The following TEX9 variants were observed in gnomAD, a reference collection of about 807,000 sequenced individuals.
TEX9 encodes the protein testis-expressed protein 9.
TEX9 carries 74 observed loss-of-function variants against 59.6 expected under a neutral mutation model. The ratio of observed to expected loss-of-function variants is 1.24; its 90% CI spans 1.03 to 1.51. The LOEUF is 1.51. TEX9 is among the 40% of genes most tolerant of loss of function. The pLI is 0.00. For synonymous variants in TEX9, 186 were observed against 152.2 expected (o/e 1.22, Z -1.64); for missense variants, 522 against 447.8 (o/e 1.17, Z -1.49).
intron 1 of TEX9, among the ~76,000 whole-genome samples, chr15:56,347,030 C>T (rs916738896): frequency 1.1e-4 from 17 of 152,232 alleles, no homozygotes; most frequent in Middle Eastern, 3.4e-3. Flanking sequence ...ACCAAATATG[C>T]GTAGGACTTG....
intron 1 of TEX9, among the ~76,000 whole-genome samples, chr15:56,338,993 A>C (rs997444958): frequency 2.0e-5 from 3 of 152,122 alleles, no homozygotes; most frequent in Non-Finnish European, 4.4e-5. Flanking sequence ...CATGTATTTT[A>C]CAAAAGCATC....
chr15:56,448,204 C>T (rs1400022055), downstream of TEX9, among the ~76,000 whole-genome samples: 2 of 152,128 alleles, frequency 1.3e-5, no homozygotes, highest in African/African-American at 2.4e-5. Context: ...GCACGTTCAG[C>T]GTTTTAAGAA....
At chr15:56,426,589 G>GTGTA (rs1382910271) in intron 10 of TEX9, among the ~76,000 whole-genome samples, 3 of 24,328 alleles carry the variant, frequency 1.2e-4, no homozygotes, top group Non-Finnish European at 3.5e-4. Flanking sequence ...TTGAAAAGGT[G>GTGTA]TATATATATA....
intron 1 of TEX9, among the ~76,000 whole-genome samples, chr15:56,337,037 C>G (rs1310591328): frequency 1.3e-5 from 2 of 152,188 alleles, no homozygotes; most frequent in Non-Finnish European, 2.9e-5. Context: ...CTTGTATCCT[C>G]TTGCTTCATG....
At chr15:56,289,298 G>A (rs2045028923) in intron 1 of TEX9, among the ~76,000 whole-genome samples, 1 of 151,908 alleles carries the variant, frequency 6.6e-6, no homozygotes, top group Admixed American at 6.6e-5. Flanking sequence ...TTTTTTTCAT[G>A]TTTCTTATTG....
At chr15:56,303,704 A>C (rs2045413328) in intron 1 of TEX9, among the ~76,000 whole-genome samples, 3 of 152,178 alleles carry the variant, frequency 2.0e-5, no homozygotes, top group Admixed American at 2.0e-4. Context: ...AGGACAATAC[A>C]AAAGATCAAT....
chr15:56,432,939 T>C (rs1379323894), intron 12 of TEX9, among the ~76,000 whole-genome samples: 1 of 152,206 alleles, frequency 6.6e-6, no homozygotes, highest in Admixed American at 6.5e-5. Context: ...CTACATATTA[T>C]CCATTTGGTT....
chr15:56,275,587 C>T (rs1056655513), intron 1 of TEX9, among the ~76,000 whole-genome samples: 35 of 152,134 alleles, frequency 2.3e-4, no homozygotes, highest in African/African-American at 8.2e-4. Context: ...TTTTAGTGGC[C>T]CCATCTTCCT....
intron 1 of TEX9, among the ~76,000 whole-genome samples, chr15:56,255,182 T>C (rs1458751422): frequency 6.6e-6 from 1 of 152,150 alleles, no homozygotes; most frequent in Non-Finnish European, 1.5e-5. Flanking sequence ...CACTCAGCTC[T>C]GCTGTTGTAG....
intron 1 of TEX9, among the ~76,000 whole-genome samples, chr15:56,267,421 G>A (rs952350156): frequency 1.3e-5 from 2 of 152,172 alleles, no homozygotes; most frequent in Non-Finnish European, 2.9e-5. Context: ...GTCCTGAATG[G>A]TATTGCCTAG....
intron 7 of TEX9, among the ~76,000 whole-genome samples, chr15:56,393,270 G>T (rs1182634306): frequency 6.6e-6 from 1 of 152,112 alleles, no homozygotes; most frequent in Non-Finnish European, 1.5e-5. Context: ...TACATGAGAG[G>T]CTGGTAGGAG....
At chr15:56,358,018 A>G (rs1335967544) in intron 1 of TEX9, among the ~76,000 whole-genome samples, 1 of 152,156 alleles carries the variant, frequency 6.6e-6, no homozygotes, top group Non-Finnish European at 1.5e-5. Context: ...GGGCTTAACT[A>G]GAAATTTTTT....
intron 10 of TEX9, among the ~76,000 whole-genome samples, chr15:56,424,557 C>A (rs2050150173): frequency 6.6e-6 from 1 of 152,110 alleles, no homozygotes; most frequent in African/African-American, 2.4e-5. Context: ...TTTACCCTCT[C>A]ATTTCCTTCC....
At chr15:56,427,135 T>C (rs1176978248) in intron 10 of TEX9, among the ~76,000 whole-genome samples, 1 of 152,112 alleles carries the variant, frequency 6.6e-6, no homozygotes, top group South Asian at 2.1e-4. Context: ...TTCTTACCTC[T>C]GTGAACCCAC....
At chr15:56,416,285 A>C (rs2049681981) in intron 10 of TEX9, among the ~76,000 whole-genome samples, 1 of 151,820 alleles carries the variant, frequency 6.6e-6, no homozygotes, top group Non-Finnish European at 1.5e-5. Context: ...CATCCTTGTC[A>C]TGTGACAGTT....
chr15:56,404,924 T>C (rs996526243), intron 9 of TEX9, among the ~76,000 whole-genome samples: 5 of 151,992 alleles, frequency 3.3e-5, no homozygotes, highest in African/African-American at 9.7e-5. Flanking sequence ...TAGGTGGGAA[T>C]TGAACAATGA....
intron 1 of TEX9, among the ~76,000 whole-genome samples, chr15:56,273,237 A>G (rs1454437665): frequency 6.6e-6 from 1 of 151,848 alleles, no homozygotes; most frequent in Non-Finnish European, 1.5e-5. Context: ...GCAGTACCAC[A>G]CCCGGCCGAA....
chr15:56,277,716 G>T (rs1480197652), intron 1 of TEX9, among the ~76,000 whole-genome samples: 1 of 152,088 alleles, frequency 6.6e-6, no homozygotes, highest in Non-Finnish European at 1.5e-5. Flanking sequence ...TTTCATTAGA[G>T]AATTAGGTAT....
intron 9 of TEX9, among the ~76,000 whole-genome samples, chr15:56,410,411 C>T (rs2049290748): frequency 6.6e-6 from 1 of 151,836 alleles, no homozygotes; most frequent in Non-Finnish European, 1.5e-5. Context: ...TACATCATTT[C>T]CTCTTGAAGC....
Sources: allele counts gnomAD v4.1 joint callset (sites outside exome capture counted in the v4.1 genomes callset), GRCh38; gene constraint gnomAD v4.1.1; transcripts MANE v1.5; gene names NCBI Gene and HGNC (gene_info 2026-07-23, HGNC 2026-07-21).